Variants in DYNLT2 observed in about 807,000 individuals in gnomAD.
The protein encoded by DYNLT2 is dynein light chain Tctex-type protein 2.
In DYNLT2, 24 loss-of-function variants were observed where a neutral mutation model predicts 24.3. The observed-to-expected ratio is 0.99, with a 90% CI of 0.71 to 1.39. The LOEUF (loss-of-function observed/expected upper bound fraction) is 1.39, where lower values mean the gene tolerates loss of function less well. Ranked by LOEUF, DYNLT2 falls within the 40% of genes most tolerant of loss-of-function variation. The pLI is 0.00. For synonymous variants in DYNLT2, 85 were observed against 85.4 expected (o/e 1.00, Z 0.03); for missense variants, 246 against 234.5 (o/e 1.05, Z -0.32).
the DYNLT2 span, among the ~76,000 whole-genome samples, chr6:169,727,150 G>C: frequency 6.6e-6 from 1 of 152,212 alleles, no homozygotes; most frequent in Non-Finnish European, 1.5e-5. Flanking sequence ...TGTCTTGACT[G>C]TTTCAAGCTA....
intron 3 of DYNLT2, among the ~76,000 whole-genome samples, chr6:169,742,072 T>C (rs957633073): frequency 6.6e-6 from 1 of 152,138 alleles, no homozygotes; most frequent in African/African-American, 2.4e-5. Context: ...TCTCTCCAAC[T>C]CCCACATATT....
At chr6:169,744,487 A>T (rs564743253) in intron 1 of DYNLT2, among the ~76,000 whole-genome samples, 1 of 152,304 alleles carries the variant, frequency 6.6e-6, no homozygotes, top group East Asian at 1.9e-4. Context: ...AATACTATTT[A>T]TTCTTTTATC....
At chr6:169,743,418 T>A (rs1444696507) in intron 2 of DYNLT2, among the ~76,000 whole-genome samples, 180 bp from the exon 3 acceptor site, 2 of 152,088 alleles carry the variant, frequency 1.3e-5, no homozygotes, top group Non-Finnish European at 2.9e-5. Flanking sequence ...TTTTGAGGAA[T>A]ATTTATTGGG....
At chr6:169,730,659 C>T in the DYNLT2 span, among the ~76,000 whole-genome samples, 3 of 152,150 alleles carry the variant, frequency 2.0e-5, no homozygotes, top group African/African-American at 7.2e-5. Flanking sequence ...CTTTGGGAGG[C>T]CGAGGCGGGC....
intron 1 of DYNLT2, among the ~76,000 whole-genome samples, chr6:169,747,869 A>G (rs1347235593): frequency 6.6e-6 from 1 of 152,162 alleles, no homozygotes; most frequent in Non-Finnish European, 1.5e-5. Context: ...ACCTTCTTAT[A>G]GGCTGGATAT....
At chr6:169,736,990 T>C (rs1432623195), downstream of DYNLT2, among the ~76,000 whole-genome samples, 1 of 152,214 alleles carries the variant, frequency 6.6e-6, no homozygotes, top group African/African-American at 2.4e-5. Flanking sequence ...AGTCCCATAT[T>C]TCTTGGAGGC....
rs576971994 is a variant in DYNLT2, at chr6:169,745,690, A to C, written c.121-1416T>G. ...TTCAGTTTGCTAGTATTTCGTTTAG[A>C]ATTTTTGCATCAGTGTTAATACATG... On this transcript the variant is annotated intron_variant, in intron 1 of 3. Coordinates refer to ENST00000366774, the MANE Select transcript of DYNLT2 (RefSeq NM_174910.3). Among the ~76,000 whole-genome samples the C allele has an allele frequency of 3.0e-4, 46 of 152,208 alleles. 1 individual carries two copies. In the South Asian group the frequency reaches 8.7e-3, roughly 29 times the overall value.
chr6:169,736,850 A>G (rs1052408596), downstream of DYNLT2, among the ~76,000 whole-genome samples: 9 of 151,598 alleles, frequency 5.9e-5, no homozygotes, highest in South Asian at 2.1e-4. Context: ...CTGAATTTAC[A>G]TGTTGGCCTG....
intron 1 of DYNLT2, chr6:169,751,096 G>A (rs1451603510): frequency 1.8e-5 from 8 of 444,794 alleles, no homozygotes; most frequent in African/African-American, 1.6e-4. Flanking sequence ...CCTTCCAATC[G>A]ACTTATGTAG....
chr6:169,744,301 G>C (rs1301027945), intron 1 of DYNLT2, 27 bp from the exon 2 acceptor site: 1 of 1,583,172 alleles, frequency 6.3e-7, no homozygotes, highest in South Asian at 1.1e-5. Context: ...GAGGGGAAGA[G>C]AGAAAGGCAG....
intron 1 of DYNLT2, among the ~76,000 whole-genome samples, chr6:169,746,232 G>C (rs148808578): frequency 1.3e-5 from 2 of 151,972 alleles, no homozygotes; most frequent in Non-Finnish European, 2.9e-5. Flanking sequence ...GTTGGTACCT[G>C]ATTTCAATTT....
intron 1 of DYNLT2, among the ~76,000 whole-genome samples, chr6:169,749,089 AGTGTTT>A (rs1272604795): frequency 2.0e-5 from 3 of 152,070 alleles, no homozygotes; most frequent in Non-Finnish European, 4.4e-5. Context: ...GCCACATGCT[AGTGTTT>A]AAGATTTTTT....
chr6:169,750,556 C>T (rs1389933628), intron 1 of DYNLT2: 1 of 152,160 alleles, frequency 6.6e-6, no homozygotes, highest in Non-Finnish European at 1.5e-5. Flanking sequence ...CTATCTTCAT[C>T]CTATTATAGG....
At chr6:169,735,119 G>A (rs1789535426), downstream of DYNLT2, among the ~76,000 whole-genome samples, 1 of 152,114 alleles carries the variant, frequency 6.6e-6, no homozygotes, top group Non-Finnish European at 1.5e-5. Context: ...GTATTTCTGT[G>A]GGGTCAGTGG....
chr6:169,740,274 C>T lies in DYNLT2; in HGVS notation c.508G>A (p.Asp170Asn). 1 of 1,613,646 alleles carries T rather than the reference C, an allele frequency of 6.2e-7. No individual in the cohort carries two copies. The highest frequency in any genetic ancestry group is 8.5e-7 in the Non-Finnish European group (1 of 1,179,626). The change falls in exon 4 of 4, where the codon GAC becomes AAC. Residue 170 changes from aspartate (D) to asparagine (N), a missense_variant. Coordinates refer to ENST00000366774, the MANE Select transcript of DYNLT2 (RefSeq NM_174910.3). ...AINIASRWIW[D>N]IAWDSWVAAK... is the part of the protein sequence containing the mutation. Reference sequence around the variant, plus strand: ...GCGACCCAGCTGTCCCATGCAATGTCCCAGATCCATCTGCTGGCAATCTGT... The same window carrying T: ...GCGACCCAGCTGTCCCATGCAATGTTCCAGATCCATCTGCTGGCAATCTGT...
At chr6:169,734,241 T>G in the DYNLT2 span, among the ~76,000 whole-genome samples, 1 of 152,218 alleles carries the variant, frequency 6.6e-6, no homozygotes, top group Non-Finnish European at 1.5e-5. Flanking sequence ...AGAGACAACT[T>G]GACTTCCTCT....
intron 1 of DYNLT2, chr6:169,749,884 T>C (rs1345932782): frequency 6.6e-6 from 1 of 152,214 alleles, no homozygotes; most frequent in Non-Finnish European, 1.5e-5. Flanking sequence ...TGCTCCAAAA[T>C]AGGGAAATTA....
the DYNLT2 span, among the ~76,000 whole-genome samples, chr6:169,727,290 G>A: frequency 6.6e-6 from 1 of 152,192 alleles, no homozygotes; most frequent in Non-Finnish European, 1.5e-5. Context: ...TGGAGAAAGA[G>A]AGTATCTGGA....
the DYNLT2 span, chr6:169,725,146 G>T: frequency 5.0e-6 from 2 of 398,700 alleles, no homozygotes; most frequent in Non-Finnish European, 8.8e-6. Flanking sequence ...TTGTAGGACC[G>T]CACTAAAAAC....
Sources: allele counts gnomAD v4.1 joint callset (sites outside exome capture counted in the v4.1 genomes callset), GRCh38; gene constraint gnomAD v4.1.1; transcripts MANE v1.5; gene names NCBI Gene and HGNC (gene_info 2026-07-23, HGNC 2026-07-21).